Variants in VIPR2 observed in about 807,000 individuals in gnomAD.
The protein encoded by VIPR2 is vasoactive intestinal polypeptide receptor 2.
A neutral mutation model predicts 58.0 loss-of-function variants in VIPR2; 48 were observed. The observed-to-expected ratio is 0.83, with a 90% CI of 0.66 to 1.05. VIPR2 has a LOEUF of 1.05. Ranked by LOEUF, VIPR2 falls within the 50% of genes least tolerant of loss-of-function variation. The pLI is 0.00. For missense variants in VIPR2, 534 were observed against 558.0 expected (o/e 0.96, Z 0.43); for synonymous variants, 243 against 235.2 (o/e 1.03, Z -0.30).
chr7:159,117,237 G>C, intron 2 of VIPR2: 1 of 699,898 alleles, frequency 1.4e-6, no homozygotes. Context: ...CAGACTGCAT[G>C]GGACTTGCTT....
chr7:159,029,440 G>A lies in VIPR2; in HGVS notation c.*1176C>T, dbSNP rs1318809871. On this transcript the variant is annotated 3_prime_UTR_variant, in exon 13 of 13. Transcript: ENST00000262178. ...TTCGCCTGAAGGAGCAGCCGCTAGG[G>A]CTGCTGAGCGCCAGCTCTGGGGAGG... 6.6e-6 allele frequency: 1 copy of A among 152,286 alleles called. No individual in the cohort carries two copies. Among genetic ancestry groups the A allele is most frequent in the African/African-American group, 2.4e-5 (1 of 41,476 alleles). 9.4% of individuals were successfully genotyped at this position (152,286 alleles called of 1,614,324 possible).
intron 2 of VIPR2, among the ~76,000 whole-genome samples, chr7:159,137,088 G>A (rs34772671): frequency 0.12 from 19,001 of 152,060 alleles, 1,248 homozygotes; most frequent in East Asian, 0.15. Flanking sequence ...TCAGCAGGAG[G>A]GGTGGGGAGG....
chr7:159,116,220 C>A (rs990761886), intron 2 of VIPR2, among the ~76,000 whole-genome samples: 1 of 152,226 alleles, frequency 6.6e-6, no homozygotes, highest in African/African-American at 2.4e-5. Flanking sequence ...TGGGCAGAAC[C>A]TTTTGGGCCA....
chr7:159,030,701 GAGA>G lies in VIPR2; in HGVS notation c.1229_1231del (p.Phe410del), dbSNP rs753537356. The G allele has an allele frequency of 2.1e-5, 33 of 1,587,230 alleles. No individual in the cohort carries two copies. Among genetic ancestry groups the G allele is most frequent in the South Asian group, 1.0e-4 (9 of 86,998 alleles). On this transcript the variant is annotated inframe_deletion, in exon 13 of 13. Coordinates refer to ENST00000262178, the MANE Select transcript of VIPR2 (RefSeq NM_003382.5). The stretch of plus-strand genomic sequence containing the variant: ...CAGGGCGCCCTCCGAGCCGTTGCGG[GAGA>G]AGGAGGAACCGCAGACCCTGTAATC...
At position 159,043,044 on chromosome 7, in the gene VIPR2, T is replaced by C; in HGVS notation, c.588A>G (p.Pro196=). 1 of 1,614,002 alleles carries C rather than the reference T, an allele frequency of 6.2e-7. No homozygotes were observed. Among genetic ancestry groups the C allele is most frequent in the Non-Finnish European group, 8.5e-7 (1 of 1,179,936 alleles). ...SSGTLHCPDQ[P]SSWVGCKLSL... is the part of the protein sequence containing the mutation. ...GTGGGGACAGCCTTACCCAGGAGGATGGCTGGTCAGGGCAGTGCAACGTGC... is the reference window on the plus strand; with the variant it reads ...GTGGGGACAGCCTTACCCAGGAGGACGGCTGGTCAGGGCAGTGCAACGTGC... The change falls in exon 6 of 13, where the codon CCA becomes CCG. Residue 196 remains proline (P), a synonymous_variant. Coordinates refer to ENST00000262178, the MANE Select transcript of VIPR2 (RefSeq NM_003382.5).
chr7:159,037,826 ATAG>A (rs1449200753), intron 6 of VIPR2, among the ~76,000 whole-genome samples: 4 of 151,898 alleles, frequency 2.6e-5, no homozygotes, highest in African/African-American at 9.7e-5. Context: ...CTGAAAAAGA[ATAG>A]TATTTTCATT....
chr7:159,059,639 GCA>G (rs1256400164), intron 4 of VIPR2, among the ~76,000 whole-genome samples: 2 of 152,102 alleles, frequency 1.3e-5, no homozygotes, highest in African/African-American at 2.4e-5. Flanking sequence ...TCAGAGAAGA[GCA>G]CAGAGTAGTC....
At chr7:159,060,264 A>C (rs992009223) in intron 4 of VIPR2, among the ~76,000 whole-genome samples, 1 of 141,914 alleles carries the variant, frequency 7.0e-6, no homozygotes, top group Non-Finnish European at 1.5e-5. Context: ...TCGCCTAACC[A>C]TCACTTCACC....
rs747989359 is a variant in VIPR2, at chr7:159,032,003, C to T, written c.1036G>A (p.Val346Met). ...LFGVHYMVFA[V>M]FPISISSKYQ... ...TTGGAGGAGATGCTGATGGGAAACA[C>T]GGCAAACACCATGTAGTGGACGCCG... The change falls in exon 11 of 13, where the codon GTG becomes ATG. Residue 346 changes from valine (V) to methionine (M), a missense_variant. This residue lies in a region of VIPR2 where 306 missense variants were observed against 285.8 expected (regional missense o/e 1.07). Coordinates refer to ENST00000262178, the MANE Select transcript of VIPR2 (RefSeq NM_003382.5). 6.2e-6 allele frequency: 10 copies of T among 1,614,058 alleles called. No individual in the cohort carries two copies. The highest frequency in any genetic ancestry group is 3.3e-4 in the Middle Eastern group (2 of 6,084).
intron 2 of VIPR2, among the ~76,000 whole-genome samples, chr7:159,121,644 A>T (rs2129496886): frequency 6.6e-6 from 1 of 152,360 alleles, no homozygotes; most frequent in Admixed American, 6.5e-5. Context: ...GTAGAACACC[A>T]TCATTTTTAA....
chr7:159,034,781 A>G (rs923745444), intron 8 of VIPR2, 131 bp from the exon 9 acceptor site: 1 of 720,822 alleles, frequency 1.4e-6, no homozygotes, highest in South Asian at 1.5e-5. Flanking sequence ...CTGCACTGAC[A>G]GATCGTAAAG....
chr7:159,069,802 AC>A (rs3841524), intron 4 of VIPR2, among the ~76,000 whole-genome samples: 42,591 of 151,468 alleles, frequency 0.28, 6,162 homozygotes, highest in African/African-American at 0.35. Context: ...TCACACTTTC[AC>A]CCCCAGTTCC....
chr7:159,053,753 G>A (rs549759834), intron 5 of VIPR2, among the ~76,000 whole-genome samples: 4 of 152,136 alleles, frequency 2.6e-5, no homozygotes, highest in Non-Finnish European at 5.9e-5. Context: ...TCCCTATGTT[G>A]CCCTGGCTTG....
intron 2 of VIPR2, among the ~76,000 whole-genome samples, chr7:159,113,975 G>A (rs1796141602): frequency 6.6e-6 from 1 of 152,162 alleles, no homozygotes; most frequent in Non-Finnish European, 1.5e-5. Flanking sequence ...CGAGGGGCCG[G>A]AGACTATTAT....
chr7:159,102,453 T>G (rs115952276), intron 4 of VIPR2, among the ~76,000 whole-genome samples: 2,287 of 152,374 alleles, frequency 0.015, 52 homozygotes, highest in African/African-American at 0.051. Flanking sequence ...GATACGTCTT[T>G]ATCAGCAGTG....
In VIPR2 at chr7:159,093,300, C is replaced by G. The variant is rs1246297544; in HGVS notation, c.357+10457G>C. 2.0e-5 allele frequency among the ~76,000 whole-genome samples: 3 copies of G among 152,184 alleles called. No individual in the cohort carries two copies. The highest frequency in any genetic ancestry group is 3.9e-4 in the East Asian group (2 of 5,192). On this transcript the variant is annotated intron_variant, in intron 4 of 12. Transcript: ENST00000262178. This position sits in a 1 kb window ranked among gnomAD's most constrained non-coding sequence, Gnocchi z 6.7. ...GAAAACGTCAACACAGGAGGCTGGT[C>G]TCGTCCATCTTCTCAGAGGTCATCC... is the stretch of plus-strand genomic sequence containing the variant.
intron 1 of VIPR2, chr7:159,144,422 A>G: frequency 6.5e-7 from 1 of 1,547,174 alleles, no homozygotes; most frequent in Admixed American, 2.0e-5. Flanking sequence ...GAACGAGCTC[A>G]TCGTTGACGC....
chr7:159,139,398 G>T (rs951749768), intron 2 of VIPR2, among the ~76,000 whole-genome samples: 1 of 152,122 alleles, frequency 6.6e-6, no homozygotes, highest in African/African-American at 2.4e-5. Context: ...GTGCGCACAC[G>T]CAGCTCATGA....
At chr7:159,136,214 G>A (rs893185118) in intron 2 of VIPR2, among the ~76,000 whole-genome samples, 5 of 152,228 alleles carry the variant, frequency 3.3e-5, no homozygotes, top group South Asian at 2.1e-4. Context: ...GTTCCCAGGT[G>A]GCACAGGCCA....
Sources: allele counts gnomAD v4.1 joint callset (sites outside exome capture counted in the v4.1 genomes callset), GRCh38; gene constraint gnomAD v4.1.1; regional missense constraint gnomAD v4.1.1; non-coding constraint Gnocchi (gnomAD v3.1); transcripts MANE v1.5; gene names NCBI Gene and HGNC (gene_info 2026-07-23, HGNC 2026-07-21).